The following FBXO32 variants were observed in gnomAD, a reference collection of about 807,000 sequenced individuals.
FBXO32 encodes the protein F-box only protein 32.
A neutral mutation model predicts 48.3 loss-of-function variants in FBXO32; 15 were observed. The observed-to-expected ratio is 0.31, with a 90% confidence interval of 0.21 to 0.48. The LOEUF is 0.48. Among genes scored for constraint, FBXO32 ranks in the 20% least tolerant of loss-of-function variants. FBXO32 has a pLI of 0.99. For missense variants in FBXO32, 309 were observed against 432.7 expected (o/e 0.71, Z 2.54); for synonymous variants, 154 against 165.9 (o/e 0.93, Z 0.55).
Position 123,515,704 on chromosome 8 carries a change from CAAAT to C in FBXO32, c.373-1375_373-1372del, listed in dbSNP as rs565418720. Among the ~76,000 whole-genome samples the C allele has an allele frequency of 4.5e-3, 687 of 151,930 alleles. 5 individuals are homozygous for C. The highest frequency in any genetic ancestry group is 0.016 in the African/African-American group (655 of 41,510). ...TTACTGACATGGCAAGATTAAAAAA[CAAAT>C]AAAGGCCAGGTGCGGTGGCTCATGC... On this transcript the variant is annotated intron_variant, in intron 4 of 8. Transcript: ENST00000517956.
rs1460751293 is a variant in FBXO32, at chr8:123,525,025, T to C, written c.372+6873A>G. ...AGGAACCTGTGTGAAGGGGCCAGGA[T>C]GCTGATGCACATCAAGGCCCAGCAG... On this transcript the variant is annotated intron_variant, in intron 4 of 8. Transcript: ENST00000517956. The surrounding 1 kb of genome is among the most constrained non-coding windows in gnomAD (Gnocchi z 4.3). 1.3e-5 allele frequency among the ~76,000 whole-genome samples: 2 copies of C among 152,254 alleles called. No homozygotes were observed. The highest frequency in any genetic ancestry group is 4.8e-5 in the African/African-American group (2 of 41,470).
At position 123,531,889 on chromosome 8, in the gene FBXO32, G is replaced by A. The variant is rs201517664; in HGVS notation, c.372+9C>T. On this transcript the variant is annotated intron_variant, in intron 4 of 8. Coordinates refer to ENST00000517956, the MANE Select transcript of FBXO32 (RefSeq NM_058229.4). Reference sequence around the variant, plus strand: ...AGCCTGGATGAGCCTTTAGGCACTTGAGACTTACCCGGACCACGTAGTTAA... The same window carrying A: ...AGCCTGGATGAGCCTTTAGGCACTTAAGACTTACCCGGACCACGTAGTTAA... 25 of 1,613,992 alleles carry A rather than the reference G, an allele frequency of 1.5e-5. No individual in the cohort carries two copies. The East Asian group carries it at 5.1e-4, about 33-fold the overall frequency.
intron 4 of FBXO32, among the ~76,000 whole-genome samples, chr8:123,524,760 C>T (rs560467350): frequency 6.6e-5 from 10 of 152,326 alleles, no homozygotes; most frequent in South Asian, 2.1e-4. Flanking sequence ...TCAGGCGATC[C>T]GCCTGCCGTG....
In FBXO32 at chr8:123,540,540, G is replaced by C. The variant is rs1817390756; in HGVS notation, c.116+359C>G. 3.3e-5 allele frequency among the ~76,000 whole-genome samples: 5 copies of C among 152,248 alleles called. No individual in the cohort carries two copies. Among genetic ancestry groups the C allele is most frequent in the African/African-American group, 1.2e-4 (5 of 41,480 alleles). On this transcript the variant is annotated intron_variant, in intron 1 of 8. Coordinates refer to ENST00000517956, the MANE Select transcript of FBXO32 (RefSeq NM_058229.4). This position sits in a 1 kb window ranked among gnomAD's most constrained non-coding sequence, Gnocchi z 6.4. ...CCGCCCGCGCCCCCACATGGGCAAAGTGCGCGACTCCGGTGTCCTTAAAGC... is the reference window on the plus strand; with the variant it reads ...CCGCCCGCGCCCCCACATGGGCAAACTGCGCGACTCCGGTGTCCTTAAAGC...
intron 1 of FBXO32, among the ~76,000 whole-genome samples, chr8:123,535,348 CT>C (rs1431995380): frequency 6.6e-6 from 1 of 152,166 alleles, no homozygotes; most frequent in Non-Finnish European, 1.5e-5. Context: ...TCTAACATGT[CT>C]TTAAAACACA....
intron 4 of FBXO32, among the ~76,000 whole-genome samples, chr8:123,519,960 G>A (rs1816917668): frequency 6.6e-6 from 1 of 152,102 alleles, no homozygotes; most frequent in African/African-American, 2.4e-5. Context: ...GATAATTTTT[G>A]TATTTTTAGT....
At chr8:123,529,572 C>T (rs1013644401) in intron 4 of FBXO32, among the ~76,000 whole-genome samples, 10 of 152,148 alleles carry the variant, frequency 6.6e-5, no homozygotes, top group African/African-American at 2.4e-4. Flanking sequence ...CTAGGACCTG[C>T]CCTCAGGCTA....
chr8:123,526,949 C>A (rs1186563638), intron 4 of FBXO32: 1 of 152,142 alleles, frequency 6.6e-6, no homozygotes. Context: ...CCCAACTCTG[C>A]CATTTTGCAC....
chr8:123,501,363 C>CAAAAAAAAA lies in FBXO32; in HGVS notation c.*2001_*2009dup, dbSNP rs142414834. 1.2e-5 allele frequency: 1 copy of CAAAAAAAAA among 81,196 alleles called. No individual in the cohort carries two copies. The allele number at this position is 81,196 out of a possible 1,614,324, so 5.0% of individuals were successfully genotyped here. A position where few individuals can be genotyped will look rare whatever the true frequency, so the allele number is the denominator to read the frequency against. ...AATTGGTTCAGGGGGAGAGGGATTG[C>CAAAAAAAAA]AAAAAAAAAACAAAAAAAAACAAAA... is the stretch of plus-strand genomic sequence containing the variant. On this transcript the variant is annotated 3_prime_UTR_variant, in exon 9 of 9. Transcript: ENST00000517956.
intron 4 of FBXO32, among the ~76,000 whole-genome samples, chr8:123,518,581 A>G (rs1379957534): frequency 6.6e-6 from 1 of 152,238 alleles, no homozygotes. Flanking sequence ...TTTTTCTACC[A>G]TGGAGTCTTA....
Position 123,499,099 on chromosome 8 carries a change from C to T in FBXO32, c.*4274G>A, listed in dbSNP as rs1816425032. 1 of 152,242 alleles carries T rather than the reference C, an allele frequency of 6.6e-6. No homozygotes were observed. Among genetic ancestry groups the T allele is most frequent in the African/African-American group, 2.4e-5 (1 of 41,452 alleles). The allele number at this position is 152,242 out of a possible 1,614,324, so 9.4% of individuals were successfully genotyped here. A position where few individuals can be genotyped will look rare whatever the true frequency, so the allele number is the denominator to read the frequency against. ...CAGGCCTCAGGAGGCCTCAAGTTCG[C>T]ATTCAGCTTTGCCACTGTACCAGGT... On this transcript the variant is annotated 3_prime_UTR_variant, in exon 9 of 9. Transcript: ENST00000517956.
At chr8:123,527,863 A>G (rs191923519) in intron 4 of FBXO32, among the ~76,000 whole-genome samples, 156 of 152,334 alleles carry the variant, frequency 1.0e-3, no homozygotes, top group African/African-American at 3.6e-3. Context: ...GTACTACAAA[A>G]AAAGAAGCTT....
At chr8:123,538,793 T>A (rs1468438354) in intron 1 of FBXO32, among the ~76,000 whole-genome samples, 1 of 151,844 alleles carries the variant, frequency 6.6e-6, no homozygotes, top group Admixed American at 6.6e-5. Flanking sequence ...AGCTCAGGTG[T>A]GAAATGGGAA....
intron 1 of FBXO32, among the ~76,000 whole-genome samples, chr8:123,535,924 C>G (rs1344787935): frequency 1.4e-5 from 2 of 147,338 alleles, no homozygotes; most frequent in Non-Finnish European, 1.5e-5. Flanking sequence ...ACATCTTTTT[C>G]AGATATACAT....
In FBXO32 at chr8:123,503,426, T is replaced by A; in HGVS notation, c.1015A>T (p.Ser339Cys). 1 of 1,614,156 alleles carries A rather than the reference T, an allele frequency of 6.2e-7. No individual in the cohort carries two copies. The highest frequency in any genetic ancestry group is 8.5e-7 in the Non-Finnish European group (1 of 1,180,010). ...DHPCTANNPESCSVSLSPQDF... is the reference protein window; with the variant it reads ...DHPCTANNPECCSVSLSPQDF... The stretch of plus-strand genomic sequence containing the variant: ...TGGGGTGAAAGTGAAACGGAGCAGC[T>A]CTCTGGGTTATTGGCAGTGCACGGA... Residue 339 changes from serine to cysteine, a missense_variant, in exon 9 of 9, where the codon AGC (serine) becomes TGC (cysteine). By Grantham distance (112) the Ser-to-Cys change is moderately radical. Coordinates refer to ENST00000517956, the MANE Select transcript of FBXO32 (RefSeq NM_058229.4).
intron 4 of FBXO32, among the ~76,000 whole-genome samples, chr8:123,518,953 C>T (rs1816894023): frequency 6.6e-6 from 1 of 152,164 alleles, no homozygotes; most frequent in African/African-American, 2.4e-5. Context: ...TCCCAAGTAG[C>T]TGGGACCACA....
chr8:123,534,261 G>A (rs1475030964), intron 2 of FBXO32, among the ~76,000 whole-genome samples: 1 of 152,046 alleles, frequency 6.6e-6, no homozygotes, highest in Non-Finnish European at 1.5e-5. Flanking sequence ...TGTAATTCCT[G>A]CTATTAATAC....
At chr8:123,539,632 G>A (rs1190743703) in intron 1 of FBXO32, among the ~76,000 whole-genome samples, 4 of 152,192 alleles carry the variant, frequency 2.6e-5, no homozygotes, top group African/African-American at 9.6e-5. Context: ...GTGAGACAAT[G>A]GGAATTTGAT....
chr8:123,503,497 A>G (rs367878326), intron 8 of FBXO32, 35 bp from the exon 9 acceptor site: 16 of 1,573,846 alleles, frequency 1.0e-5, no homozygotes, highest in Non-Finnish European at 8.7e-7. Flanking sequence ...TCAAGTTCTC[A>G]GAGGCCTCTC....
Sources: gnomAD v4.1 joint callset for allele counts (sites outside exome capture counted in the v4.1 genomes callset) on GRCh38, gnomAD v4.1.1 for gene constraint, Gnocchi (gnomAD v3.1) non-coding constraint, MANE v1.5 for transcripts, NCBI Gene and HGNC (gene_info 2026-07-23, HGNC 2026-07-21) for gene names.